Variants in NXPH1 observed in about 807,000 individuals in gnomAD.
NXPH1 encodes the protein neurexophilin-1.
In NXPH1, 5 loss-of-function variants were observed where a neutral mutation model predicts 23.7. The observed-to-expected ratio is 0.21, with a 90% confidence interval of 0.11 to 0.44. The LOEUF (loss-of-function observed/expected upper bound fraction) is 0.44. Ranked by LOEUF, NXPH1 falls within the 20% of genes least tolerant of loss-of-function variation. The pLI is 0.99. For missense variants in NXPH1, 324 were observed against 321.6 expected, an observed-to-expected ratio of 1.01 and a Z score of -0.06; for synonymous variants, 144 against 122.2, an observed-to-expected ratio of 1.18 and a Z score of -1.18.
At chr7:8,446,636 T>C (rs559225029) in intron 2 of NXPH1, among the ~76,000 whole-genome samples, 1 of 152,242 alleles carries the variant, frequency 6.6e-6, no homozygotes, top group South Asian at 2.1e-4. Context: ...CAGGCACAAT[T>C]TGAGGTCCTT....
chr7:8,496,165 T>C (rs1817334467), intron 2 of NXPH1, among the ~76,000 whole-genome samples: 2 of 151,862 alleles, frequency 1.3e-5, no homozygotes, highest in Admixed American at 1.3e-4. Flanking sequence ...ACCTGGAGAG[T>C]GCAAAGATTA....
At chr7:8,626,649 A>C (rs1819996667) in intron 2 of NXPH1, among the ~76,000 whole-genome samples, 1 of 152,070 alleles carries the variant, frequency 6.6e-6, no homozygotes, top group African/African-American at 2.4e-5. Flanking sequence ...AGTGTTCTTT[A>C]ATTGTCCATT....
rs373249580 is a variant in NXPH1 at position 8,638,367 on chromosome 7, C to G, written c.55-112641C>G. On this transcript the variant is annotated intron_variant, in intron 2 of 2. Coordinates refer to ENST00000405863, the MANE Select transcript of NXPH1 (RefSeq NM_152745.3). ...CTCCCATTCACTGCGGGCCAACAAC[C>G]ACTGGGGAGAATTAGAATCCTCCTG... Among the ~76,000 whole-genome samples, 4 of 152,316 alleles carry G rather than the reference C, an allele frequency of 2.6e-5. No individual in the cohort carries two copies. In the East Asian group the frequency reaches 7.7e-4, roughly 29 times the overall value.
intron 2 of NXPH1, among the ~76,000 whole-genome samples, chr7:8,455,282 A>G (rs985305862): frequency 1.1e-4 from 16 of 152,204 alleles, no homozygotes; most frequent in Non-Finnish European, 2.1e-4. Context: ...CTTAAATTAA[A>G]GAGCAACTTG....
intron 2 of NXPH1, among the ~76,000 whole-genome samples, chr7:8,639,117 T>C (rs1036254193): frequency 1.3e-5 from 2 of 152,286 alleles, no homozygotes; most frequent in Admixed American, 6.5e-5. Flanking sequence ...CCAAATAAAA[T>C]TGATAACAGA....
intron 2 of NXPH1, among the ~76,000 whole-genome samples, chr7:8,536,186 A>G (rs1223024558): frequency 6.6e-6 from 1 of 152,002 alleles, no homozygotes; most frequent in Non-Finnish European, 1.5e-5. Flanking sequence ...ATCCTTGTGG[A>G]GCTTGCAGAT....
intron 2 of NXPH1, among the ~76,000 whole-genome samples, chr7:8,605,312 G>C (rs964050367): frequency 1.6e-4 from 25 of 152,132 alleles, no homozygotes; most frequent in Admixed American, 1.6e-3. Flanking sequence ...AATGGTTGCA[G>C]TTATTTTCAT....
intron 2 of NXPH1, among the ~76,000 whole-genome samples, chr7:8,700,669 A>G (rs761896116): frequency 3.3e-5 from 5 of 152,268 alleles, no homozygotes; most frequent in Non-Finnish European, 5.9e-5. Flanking sequence ...CTTTATGACC[A>G]TGAAGAGCAG....
chr7:8,555,541 G>A (rs1348015742), intron 2 of NXPH1, among the ~76,000 whole-genome samples: 2 of 151,610 alleles, frequency 1.3e-5, no homozygotes, highest in Non-Finnish European at 3.0e-5. Context: ...TTGAGGGCTG[G>A]AGAGGAGGCT....
At chr7:8,585,336 G>C (rs941930086) in intron 2 of NXPH1, among the ~76,000 whole-genome samples, 3 of 139,094 alleles carry the variant, frequency 2.2e-5, no homozygotes, top group Non-Finnish European at 4.4e-5. Flanking sequence ...CCTGGGAGTG[G>C]GGAGTTCAAC....
intron 2 of NXPH1, among the ~76,000 whole-genome samples, chr7:8,560,512 T>C (rs1039783373): frequency 6.6e-6 from 1 of 151,724 alleles, no homozygotes; most frequent in African/African-American, 2.4e-5. Flanking sequence ...TGTTACGCCC[T>C]CCAATGGTAG....
intron 2 of NXPH1, 88 bp from the exon 3 acceptor site, chr7:8,750,920 C>T: frequency 7.7e-7 from 1 of 1,304,530 alleles, no homozygotes; most frequent in Non-Finnish European, 1.1e-6. Flanking sequence ...TTATTTAATC[C>T]TGAGACTCAG....
intron 2 of NXPH1, among the ~76,000 whole-genome samples, chr7:8,506,516 G>T (rs1406991750): frequency 6.6e-6 from 1 of 152,034 alleles, no homozygotes; most frequent in Non-Finnish European, 1.5e-5. Context: ...TTACTTGCTG[G>T]TCTAGGAACA....
intron 2 of NXPH1, among the ~76,000 whole-genome samples, chr7:8,556,900 G>A (rs867995750): frequency 3.3e-5 from 5 of 151,316 alleles, no homozygotes; most frequent in African/African-American, 9.7e-5. Flanking sequence ...CACAACTTAT[G>A]GGTCAGACAT....
At chr7:8,571,310 G>T (rs1818642493) in intron 2 of NXPH1, among the ~76,000 whole-genome samples, 1 of 151,944 alleles carries the variant, frequency 6.6e-6, no homozygotes, top group African/African-American at 2.4e-5. Context: ...AGATTTGACT[G>T]ATATGGTATG....
chr7:8,678,861 T>G (rs1037437343), intron 2 of NXPH1, among the ~76,000 whole-genome samples: 2 of 151,630 alleles, frequency 1.3e-5, no homozygotes, highest in Admixed American at 1.3e-4. Flanking sequence ...AAAATCTATT[T>G]TATCCTTGCA....
rs1819586997 is a variant in NXPH1, at chr7:8,610,228, G to C, written c.55-140780G>C. Among the ~76,000 whole-genome samples the C allele has an allele frequency of 1.3e-5, 2 of 152,054 alleles. 1 individual carries two copies. Among genetic ancestry groups the C allele is most frequent in the South Asian group, 4.1e-4 (2 of 4,830 alleles). On this transcript the variant is annotated intron_variant, in intron 2 of 2. Transcript: ENST00000405863. ...CCTTTGAAATTTCTAAGAAAGGAGA[G>C]CCTTTCTGTGAATTAATGCATAGGT...
chr7:8,510,465 T>TA (rs572997648), intron 2 of NXPH1, among the ~76,000 whole-genome samples: 4 of 150,198 alleles, frequency 2.7e-5, no homozygotes, highest in African/African-American at 7.3e-5. Flanking sequence ...AATCTAAGAT[T>TA]AAAAAAAAAA....
At chr7:8,565,474 T>G (rs1337189686) in intron 2 of NXPH1, among the ~76,000 whole-genome samples, 2 of 144,822 alleles carry the variant, frequency 1.4e-5, no homozygotes, top group Non-Finnish European at 1.5e-5. Flanking sequence ...AGAATGGGAC[T>G]ATTTCTATAG....
Sources: gnomAD v4.1 joint callset for allele counts (sites outside exome capture counted in the v4.1 genomes callset) on GRCh38, gnomAD v4.1.1 for gene constraint, MANE v1.5 for transcripts, NCBI Gene and HGNC (gene_info 2026-07-23, HGNC 2026-07-21) for gene names.